The following IP6K1 variants were observed in gnomAD, a reference collection of about 807,000 sequenced individuals.
IP6K1 encodes ATP:1D-myo-inositol-hexakisphosphate phosphotransferase.
IP6K1 carries 13 observed loss-of-function variants against 38.3 expected under a neutral mutation model. The observed-to-expected ratio is 0.34, with a 90% CI of 0.22 to 0.54. IP6K1 has a LOEUF of 0.54. Ranked by LOEUF, IP6K1 falls within the 20% of genes least tolerant of loss-of-function variation. IP6K1 has a pLI of 0.92. For missense variants in IP6K1, 397 were observed against 599.8 expected (o/e 0.66, Z 3.53); for synonymous variants, 212 against 229.9 (o/e 0.92, Z 0.70).
At chr3:49,779,845 T>A (rs1339678946) in intron 1 of IP6K1, among the ~76,000 whole-genome samples, 2 of 151,986 alleles carry the variant, frequency 1.3e-5, no homozygotes, top group Non-Finnish European at 2.9e-5. Flanking sequence ...GCCACTATGC[T>A]CGTTTAACTT....
At chr3:49,773,729 A>G (rs1575327072) in intron 1 of IP6K1, among the ~76,000 whole-genome samples, 1 of 152,304 alleles carries the variant, frequency 6.6e-6, no homozygotes, top group South Asian at 2.1e-4. Context: ...ACTCACTTTA[A>G]TTTTTGCTGC....
intron 1 of IP6K1, among the ~76,000 whole-genome samples, chr3:49,770,498 G>A (rs2080947659): frequency 6.6e-6 from 1 of 152,112 alleles, no homozygotes; most frequent in Middle Eastern, 3.2e-3. Context: ...CACTTTGGGA[G>A]GCCAAGGTGT....
At chr3:49,748,685 T>G (rs972690489) in intron 1 of IP6K1, among the ~76,000 whole-genome samples, 12 of 152,184 alleles carry the variant, frequency 7.9e-5, no homozygotes, top group Non-Finnish European at 1.5e-5. Context: ...GGCCATTCAT[T>G]GCTGAGCTGT....
At chr3:49,732,088 T>A (rs1057304758) in intron 4 of IP6K1, among the ~76,000 whole-genome samples, 1 of 151,688 alleles carries the variant, frequency 6.6e-6, no homozygotes, top group African/African-American at 2.4e-5. Flanking sequence ...CACCACCACA[T>A]CCAACTAATT....
intron 1 of IP6K1, among the ~76,000 whole-genome samples, chr3:49,754,278 A>C (rs1352393770): frequency 1.3e-5 from 2 of 151,966 alleles, no homozygotes; most frequent in East Asian, 3.9e-4. Context: ...CAGGAGACTG[A>C]GGTGGGAGGA....
In IP6K1 at chr3:49,727,309, TTGCTGGGGCTGGTGC is replaced by T; in HGVS notation, c.1124_1138del (p.Ser375_Ser379del). On this transcript the variant is annotated inframe_deletion, in exon 6 of 6. Coordinates refer to ENST00000321599, the MANE Select transcript of IP6K1 (RefSeq NM_153273.4). The surrounding 1 kb of genome is among the most constrained non-coding windows in gnomAD (Gnocchi z 5.9). The stretch of plus-strand genomic sequence containing the variant: ...GGAGGGACCCGCCTCGGGGCTGGTG[TTGCTGGGGCTGGTGC>T]TGGGGCCACAGGATGACGCCACCTC... The T allele has an allele frequency of 2.5e-6, 4 of 1,614,136 alleles. No individual in the cohort carries two copies. Among genetic ancestry groups the T allele is most frequent in the Non-Finnish European group, 3.4e-6 (4 of 1,180,022 alleles).
intron 3 of IP6K1, 126 bp downstream of exon 3, chr3:49,738,086 G>T: frequency 1.4e-6 from 1 of 723,544 alleles, no homozygotes. Flanking sequence ...ACACCTGTGT[G>T]GGTATCCCAA....
intron 1 of IP6K1, among the ~76,000 whole-genome samples, chr3:49,763,104 CTTT>C (rs1217162043): frequency 2.2e-5 from 3 of 137,574 alleles, no homozygotes; most frequent in African/African-American, 2.7e-5. Flanking sequence ...TCAATTATTT[CTTT>C]TTTTTTTTTT....
chr3:49,733,062 G>T, intron 3 of IP6K1, 90 bp from the exon 4 acceptor site: 1 of 969,648 alleles, frequency 1.0e-6, no homozygotes, highest in Non-Finnish European at 1.5e-6. Flanking sequence ...TGTCCACAAT[G>T]ACAGACCCAC....
intron 1 of IP6K1, among the ~76,000 whole-genome samples, chr3:49,757,189 T>C (rs2080830971): frequency 1.3e-5 from 2 of 152,194 alleles, no homozygotes; most frequent in African/African-American, 4.8e-5. Context: ...GAAGCTTCCA[T>C]ACAACTGAAA....
chr3:49,760,453 G>A (rs1421783566), intron 1 of IP6K1, among the ~76,000 whole-genome samples: 3 of 151,854 alleles, frequency 2.0e-5, no homozygotes, highest in Non-Finnish European at 4.4e-5. Context: ...GTGAAACCCC[G>A]TCTTTACTAA....
intron 1 of IP6K1, among the ~76,000 whole-genome samples, chr3:49,760,328 A>T (rs1429391194): frequency 6.6e-6 from 1 of 152,176 alleles, no homozygotes; most frequent in East Asian, 1.9e-4. Flanking sequence ...AACTTAGAAA[A>T]GCAGACAGGT....
chr3:49,785,051 G>A (rs2081099731), intron 1 of IP6K1, among the ~76,000 whole-genome samples: 1 of 152,184 alleles, frequency 6.6e-6, no homozygotes, highest in Non-Finnish European at 1.5e-5. Flanking sequence ...CAAGAAGACT[G>A]TACAAAGAAC....
chr3:49,752,719 G>T (rs2080789034), intron 1 of IP6K1, among the ~76,000 whole-genome samples: 1 of 151,018 alleles, frequency 6.6e-6, no homozygotes, highest in Non-Finnish European at 1.5e-5. Flanking sequence ...ACCTCCCAAA[G>T]TGCTGGGGAT....
chr3:49,728,123 C>A lies in IP6K1; in HGVS notation c.772G>T (p.Val258Phe). The change falls in exon 5 of 6, where the codon GTC becomes TTC. Residue 258 changes from valine (V) to phenylalanine (F), a missense_variant. Coordinates refer to ENST00000321599, the MANE Select transcript of IP6K1 (RefSeq NM_153273.4). ...CTCACCTGCATGCCGCAGACCCTGA[C>A]GCCCAGCGTGGCTGATGTGCTCTGC... Reference protein sequence around the residue: ...CEQSTSATLGVRVCGMQVYQL... With the variant: ...CEQSTSATLGFRVCGMQVYQL... The A allele has an allele frequency of 6.2e-7, 1 of 1,613,928 alleles. No homozygotes were observed. Among genetic ancestry groups the A allele is most frequent in the Non-Finnish European group, 8.5e-7 (1 of 1,179,926 alleles).
intron 1 of IP6K1, among the ~76,000 whole-genome samples, chr3:49,758,222 G>C (rs2080840907): frequency 6.8e-6 from 1 of 147,136 alleles, no homozygotes. Flanking sequence ...GCTGAAGCAG[G>C]AGAATCGCTT....
intron 1 of IP6K1, among the ~76,000 whole-genome samples, chr3:49,767,510 C>A (rs138618003): frequency 1.7e-4 from 26 of 151,892 alleles, no homozygotes; most frequent in Non-Finnish European, 2.9e-4. Flanking sequence ...AACCGGGAGG[C>A]GGAAACTGTG....
intron 4 of IP6K1, among the ~76,000 whole-genome samples, chr3:49,728,936 T>C (rs1230363607): frequency 1.3e-5 from 2 of 148,152 alleles, no homozygotes; most frequent in South Asian, 2.1e-4. Context: ...CTGGAACAAC[T>C]AGGACTACAG....
intron 1 of IP6K1, among the ~76,000 whole-genome samples, chr3:49,772,763 C>CTT (rs1307764918): frequency 4.3e-5 from 6 of 138,902 alleles, no homozygotes; most frequent in African/African-American, 1.6e-4. Flanking sequence ...GTTAATAATT[C>CTT]TTTTTTTTTT....
Sources: allele counts gnomAD v4.1 joint callset (sites outside exome capture counted in the v4.1 genomes callset), GRCh38; gene constraint gnomAD v4.1.1; non-coding constraint Gnocchi (gnomAD v3.1); transcripts MANE v1.5; gene names NCBI Gene and HGNC (gene_info 2026-07-23, HGNC 2026-07-21).